CLSTN2: variants seen among roughly 807,000 people sequenced by gnomAD.
CLSTN2 encodes the protein calsyntenin-2.
In CLSTN2, 48 loss-of-function variants were observed where a neutral mutation model predicts 101.2. The ratio of observed to expected loss-of-function variants is 0.47; its 90% CI spans 0.38 to 0.60. CLSTN2 has a LOEUF of 0.60. Among genes scored for constraint, CLSTN2 ranks in the 20% least tolerant of loss-of-function variants. The pLI is 0.00. For synonymous variants in CLSTN2, 481 were observed against 463.6 expected (o/e 1.04, Z -0.48); for missense variants, 1,160 against 1,238.2 (o/e 0.94, Z 0.95).
chr3:140,524,747 A>C (rs1288103406), intron 8 of CLSTN2, among the ~76,000 whole-genome samples: 1 of 152,124 alleles, frequency 6.6e-6, no homozygotes, highest in Non-Finnish European at 1.5e-5. Flanking sequence ...TACTAAGCAC[A>C]CTCTCAAGAC....
chr3:140,047,182 T>C (rs910335910), intron 1 of CLSTN2, among the ~76,000 whole-genome samples: 1 of 152,202 alleles, frequency 6.6e-6, no homozygotes, highest in African/African-American at 2.4e-5. Flanking sequence ...CACATCAATC[T>C]GAGCTATATT....
chr3:140,457,870 A>G (rs531044942), intron 6 of CLSTN2, among the ~76,000 whole-genome samples: 1 of 152,338 alleles, frequency 6.6e-6, no homozygotes, highest in Admixed American at 6.5e-5. Flanking sequence ...TGATACATAC[A>G]AACTACAGCA....
intron 1 of CLSTN2, among the ~76,000 whole-genome samples, chr3:140,169,357 C>G (rs1220996844): frequency 6.6e-6 from 1 of 152,026 alleles, no homozygotes; most frequent in African/African-American, 2.4e-5. Context: ...TTCCTAAACT[C>G]TTATTAGTTC....
intron 1 of CLSTN2, among the ~76,000 whole-genome samples, chr3:139,959,857 T>C (rs987197812): frequency 1.3e-5 from 2 of 152,132 alleles, no homozygotes; most frequent in Non-Finnish European, 2.9e-5. Context: ...ACAAACCACA[T>C]TCTTTGGATT....
chr3:140,562,364 T>C, intron 13 of CLSTN2, 56 bp downstream of exon 13: 1 of 1,512,858 alleles, frequency 6.6e-7, no homozygotes. Flanking sequence ...AATGTCCTTG[T>C]CCAGGGAGAC....
chr3:140,084,789 A>G (rs1343708570), intron 1 of CLSTN2, among the ~76,000 whole-genome samples: 4 of 152,216 alleles, frequency 2.6e-5, no homozygotes, highest in Admixed American at 6.5e-5. Context: ...CCTTTCCAGC[A>G]TCTGCAACAA....
chr3:140,218,466 G>A (rs2010948291), intron 2 of CLSTN2, among the ~76,000 whole-genome samples: 1 of 152,088 alleles, frequency 6.6e-6, no homozygotes, highest in Admixed American at 6.6e-5. Context: ...GTGAAAGAAA[G>A]TGAGATAGCA....
At position 140,448,624 on chromosome 3, in the gene CLSTN2, T is replaced by C. The variant is rs370218628; in HGVS notation, c.893T>C (p.Val298Ala). ...GGAGCCGTGTCTTCCCTCCAGATCGTCACAGAGCTGCAGACTAATTACATT... is the reference window on the plus strand; with the variant it reads ...GGAGCCGTGTCTTCCCTCCAGATCGCCACAGAGCTGCAGACTAATTACATT... Reference protein sequence around the residue: ...CDGAVSSLQIVTELQTNYIGK... With the variant: ...CDGAVSSLQIATELQTNYIGK... Residue 298 changes from valine to alanine, a missense_variant, in exon 6 of 17, where the codon GTC becomes GCC. Val to Ala is a moderately conservative substitution (Grantham distance 64). Coordinates refer to ENST00000458420, the MANE Select transcript of CLSTN2 (RefSeq NM_022131.3). 6.2e-7 allele frequency: 1 copy of C among 1,614,124 alleles called. No individual in the cohort carries two copies. The highest frequency in any genetic ancestry group is 1.1e-5 in the South Asian group (1 of 91,078).
chr3:140,218,833 GA>G (rs1222113826), intron 2 of CLSTN2, among the ~76,000 whole-genome samples: 1 of 152,102 alleles, frequency 6.6e-6, no homozygotes, highest in Non-Finnish European at 1.5e-5. Context: ...AGAGTATGTG[GA>G]ATCCCCCAGG....
intron 1 of CLSTN2, among the ~76,000 whole-genome samples, chr3:140,159,318 A>G (rs750952865): frequency 6.6e-6 from 1 of 152,058 alleles, no homozygotes; most frequent in African/African-American, 2.4e-5. Flanking sequence ...GGAACTTAAT[A>G]ATTTAACAAG....
intron 7 of CLSTN2, among the ~76,000 whole-genome samples, chr3:140,464,822 C>A (rs1418167571): frequency 6.6e-6 from 1 of 152,130 alleles, no homozygotes; most frequent in African/African-American, 2.4e-5. Context: ...TTTGCCAATC[C>A]AGACGCTAAA....
chr3:140,257,605 CT>C lies in CLSTN2; in HGVS notation c.232+81533del, dbSNP rs1433422591. 4.2e-5 allele frequency among the ~76,000 whole-genome samples: 6 copies of C among 141,608 alleles called. No individual in the cohort carries two copies. The East Asian group carries it at 1.4e-3, about 32-fold the overall frequency. The allele number at this position is 141,608 out of a possible 152,430, so 92.9% of individuals were successfully genotyped here. On this transcript the variant is annotated intron_variant, in intron 2 of 16. Coordinates refer to ENST00000458420, the MANE Select transcript of CLSTN2 (RefSeq NM_022131.3). ...GTGTGTGTGTGTGTGTGTGTGTCTG[CT>C]ATGAGATCACATTCTATGTACACAA... is the stretch of plus-strand genomic sequence containing the variant.
At chr3:140,527,645 T>C (rs1935171201) in intron 8 of CLSTN2, among the ~76,000 whole-genome samples, 1 of 152,126 alleles carries the variant, frequency 6.6e-6, no homozygotes, top group African/African-American at 2.4e-5. Context: ...CTGTTCACAA[T>C]AGCAAAGACA....
intron 5 of CLSTN2, among the ~76,000 whole-genome samples, chr3:140,438,482 T>A (rs2088710791): frequency 7.3e-6 from 1 of 136,510 alleles, no homozygotes; most frequent in Admixed American, 7.6e-5. Context: ...ATTGATAGCT[T>A]AAAAAGAGAT....
intron 9 of CLSTN2, among the ~76,000 whole-genome samples, chr3:140,544,339 G>A (rs2107785669): frequency 6.6e-6 from 1 of 152,312 alleles, no homozygotes; most frequent in East Asian, 1.9e-4. Flanking sequence ...AATTATAACA[G>A]TGTGCACAGA....
At chr3:140,124,924 CA>C (rs1377313691) in intron 1 of CLSTN2, among the ~76,000 whole-genome samples, 1 of 152,146 alleles carries the variant, frequency 6.6e-6, no homozygotes, top group Non-Finnish European at 1.5e-5. Flanking sequence ...ACAAAGGAGA[CA>C]GGGGCTAGGG....
chr3:139,990,695 ATG>A (rs1204151878), intron 1 of CLSTN2, among the ~76,000 whole-genome samples: 4 of 152,246 alleles, frequency 2.6e-5, no homozygotes, highest in Admixed American at 6.5e-5. Flanking sequence ...GGTAGATGTC[ATG>A]TGACACAGAT....
intron 8 of CLSTN2, among the ~76,000 whole-genome samples, chr3:140,522,787 GA>G (rs1285559366): frequency 6.6e-6 from 1 of 151,986 alleles, no homozygotes; most frequent in African/African-American, 2.4e-5. Flanking sequence ...TTTCCTTTCT[GA>G]AATTTTTATT....
chr3:140,544,941 CA>C (rs1358159950), intron 9 of CLSTN2, among the ~76,000 whole-genome samples: 2 of 152,076 alleles, frequency 1.3e-5, no homozygotes, highest in East Asian at 3.9e-4. Flanking sequence ...GGCATATGGG[CA>C]GACATGGAAG....
Sources: allele counts gnomAD v4.1 joint callset (sites outside exome capture counted in the v4.1 genomes callset), GRCh38; gene constraint gnomAD v4.1.1; transcripts MANE v1.5; gene names NCBI Gene and HGNC (gene_info 2026-07-23, HGNC 2026-07-21).